The following CCDC66 variants were observed in gnomAD, a reference collection of about 807,000 sequenced individuals.
CCDC66 encodes the protein coiled-coil domain-containing protein 66.
In CCDC66, 133 loss-of-function variants were observed where a neutral mutation model predicts 128.3. The ratio of observed to expected loss-of-function variants is 1.04; its 90% CI spans 0.90 to 1.20. The LOEUF (loss-of-function observed/expected upper bound fraction) is 1.20. Ranked by LOEUF, CCDC66 falls within the 50% of genes most tolerant of loss-of-function variation. The pLI is 0.00. For synonymous variants in CCDC66, 387 were observed against 357.0 expected, an observed-to-expected ratio of 1.08 and a Z score of -0.95; for missense variants, 1,126 against 1,075.5, an observed-to-expected ratio of 1.05 and a Z score of -0.66.
At chr3:56,612,790 G>T (rs1265722113) in intron 10 of CCDC66, among the ~76,000 whole-genome samples, 1 of 152,186 alleles carries the variant, frequency 6.6e-6, no homozygotes, top group African/African-American at 2.4e-5. Flanking sequence ...GGTGTCCTGG[G>T]CAGGGCAGTC....
intron 7 of CCDC66, among the ~76,000 whole-genome samples, chr3:56,587,210 A>C (rs2069935680): frequency 6.6e-6 from 1 of 151,948 alleles, no homozygotes; most frequent in Non-Finnish European, 1.5e-5. Context: ...GAAATATTCA[A>C]AGTAAAAAGT....
At chr3:56,571,047 TG>T (rs945878538) in intron 6 of CCDC66, 133 bp from the exon 7 acceptor site, 11 of 569,354 alleles carry the variant, frequency 1.9e-5, no homozygotes, top group Non-Finnish European at 3.2e-5. Context: ...CTCCACTTTG[TG>T]AGTTAATCTC....
intron 4 of CCDC66, among the ~76,000 whole-genome samples, chr3:56,564,537 T>A (rs1181167864): frequency 1.3e-5 from 2 of 152,172 alleles, no homozygotes; most frequent in African/African-American, 4.8e-5. Flanking sequence ...AAACATTGCT[T>A]TCCTGGCCAC....
At chr3:56,563,392 TGAAA>T (rs1272460185) in intron 3 of CCDC66, 1 of 132,478 alleles carries the variant, frequency 7.5e-6, no homozygotes, top group Non-Finnish European at 1.4e-5. Flanking sequence ...TTTTTTTAAT[TGAAA>T]AAAAAAAAAA....
chr3:56,564,818 A>G (rs1020510756), intron 4 of CCDC66, among the ~76,000 whole-genome samples: 14 of 152,206 alleles, frequency 9.2e-5, no homozygotes, highest in Non-Finnish European at 1.9e-4. Flanking sequence ...AGGCCCCACA[A>G]ATGGTTTGGG....
At chr3:56,602,427 TTC>T (rs767325166) in intron 10 of CCDC66, among the ~76,000 whole-genome samples, 9 of 152,010 alleles carry the variant, frequency 5.9e-5, no homozygotes, top group Admixed American at 2.0e-4. Context: ...TGGCCTGAAA[TTC>T]TCTTTTTTTG....
At chr3:56,580,505 CGATGGTCTT>C (rs2068166914) in intron 7 of CCDC66, among the ~76,000 whole-genome samples, 2 of 151,728 alleles carry the variant, frequency 1.3e-5, no homozygotes, top group Non-Finnish European at 2.9e-5. Context: ...TTCCTAGCCT[CGATGGTCTT>C]TACAATTTGG....
At chr3:56,608,588 G>GTCTTTTGTATTTCT (rs1553704335) in intron 10 of CCDC66, among the ~76,000 whole-genome samples, 1 of 21,640 alleles carries the variant, frequency 4.6e-5, no homozygotes, top group Non-Finnish European at 1.8e-4. Flanking sequence ...TGTTTCATTT[G>GTCTTTTGTATTTCT]TCGTTTGTTT....
chr3:56,561,248 C>T (rs746269093), intron 3 of CCDC66: 48 of 456,444 alleles, frequency 1.1e-4, no homozygotes, highest in Non-Finnish European at 1.9e-4. Context: ...TGATTTTTAT[C>T]TTCTCCAGGC....
intron 7 of CCDC66, among the ~76,000 whole-genome samples, chr3:56,584,076 T>TCCCTCCCG (rs2068995598): frequency 8.5e-6 from 1 of 117,372 alleles, no homozygotes; most frequent in African/African-American, 3.3e-5. Context: ...GCCCCCCACC[T>TCCCTCCCG]CCCTCCCGGA....
intron 11 of CCDC66, 41 bp downstream of exon 11, chr3:56,613,791 GTGTTTT>G (rs1559762231): frequency 1.3e-6 from 2 of 1,543,348 alleles, no homozygotes; most frequent in Non-Finnish European, 1.8e-6. Context: ...GTTTTTGTTT[GTGTTTT>G]TGAGACAGGG....
Position 56,616,021 on chromosome 3 carries a change from C to T in CCDC66, c.1811C>T (p.Thr604Met), listed in dbSNP as rs868504543. 14 of 1,534,426 alleles carry T rather than the reference C, an allele frequency of 9.1e-6. No homozygotes were observed. Among genetic ancestry groups the T allele is most frequent in the Admixed American group, 7.9e-5 (4 of 50,330 alleles). The change falls in exon 13 of 18, where the codon ACG becomes ATG. Residue 604 changes from threonine (T) to methionine (M), a missense_variant. Physicochemically the swap from Thr to Met is moderately conservative, Grantham distance 81 (BLOSUM62 -1). Coordinates refer to ENST00000394672, the MANE Select transcript of CCDC66 (RefSeq NM_001141947.3). The stretch of plus-strand genomic sequence containing the variant: ...AAAATGAATACATATATGAATTCTA[C>T]GACTTCTAAGAAGGATACTGGTGTG... ...SGKMNTYMNS[T>M]TSKKDTGVQT...
intron 10 of CCDC66, among the ~76,000 whole-genome samples, chr3:56,598,847 T>C (rs1213360154): frequency 6.6e-6 from 1 of 152,106 alleles, no homozygotes; most frequent in African/African-American, 2.4e-5. Flanking sequence ...TGCATCTATG[T>C]TCATCAAAAA....
chr3:56,558,297 G>A (rs1440829083), intron 1 of CCDC66, among the ~76,000 whole-genome samples: 2 of 152,126 alleles, frequency 1.3e-5, no homozygotes, highest in Non-Finnish European at 2.9e-5. Flanking sequence ...AGTGGCTACT[G>A]TTACTTTATG....
At chr3:56,566,859 G>A in intron 5 of CCDC66, 91 bp from the exon 6 acceptor site, 1 of 1,468,420 alleles carries the variant, frequency 6.8e-7, no homozygotes, top group African/African-American at 1.4e-5. Context: ...AATACTTAGA[G>A]CTATTTAAAA....
At chr3:56,595,004 A>G (rs918104349) in intron 10 of CCDC66, among the ~76,000 whole-genome samples, 2 of 152,218 alleles carry the variant, frequency 1.3e-5, no homozygotes. Flanking sequence ...GGGAGATGGG[A>G]GAAATGCATT....
chr3:56,620,240 A>T (rs1352437589), intron 17 of CCDC66: 1 of 162,478 alleles, frequency 6.2e-6, no homozygotes, highest in African/African-American at 2.4e-5. Flanking sequence ...AATTCTTAGC[A>T]ATGTGGCCCA....
rs1339854020 is a variant in CCDC66, at chr3:56,571,313, T to C, written c.936+11T>C. 5 of 1,464,382 alleles carry C rather than the reference T, an allele frequency of 3.4e-6. No individual in the cohort carries two copies. Among genetic ancestry groups the C allele is most frequent in the Non-Finnish European group, 4.7e-6 (5 of 1,071,362 alleles). 90.7% of individuals were successfully genotyped at this position (1,464,382 alleles called of 1,614,324 possible). A position where few individuals can be genotyped will look rare whatever the true frequency, so the allele number is the denominator to read the frequency against. Reference sequence around the variant, plus strand: ...CTTGACCAATCTAGGGTAAGACATCTTAATTGCAATTTTTAAAATACTAAG... The same window carrying C: ...CTTGACCAATCTAGGGTAAGACATCCTAATTGCAATTTTTAAAATACTAAG... On this transcript the variant is annotated intron_variant, in intron 7 of 17. Coordinates refer to ENST00000394672, the MANE Select transcript of CCDC66 (RefSeq NM_001141947.3).
chr3:56,586,529 CAA>C (rs148996363), intron 7 of CCDC66, among the ~76,000 whole-genome samples: 58 of 130,580 alleles, frequency 4.4e-4, no homozygotes, highest in Non-Finnish European at 4.0e-4. Flanking sequence ...GACTCTTTCT[CAA>C]AAAAAAAAAA....
Sources: allele counts gnomAD v4.1 joint callset (sites outside exome capture counted in the v4.1 genomes callset), GRCh38; gene constraint gnomAD v4.1.1; transcripts MANE v1.5; gene names NCBI Gene and HGNC (gene_info 2026-07-23, HGNC 2026-07-21).